The following PRMT3 variants were observed in gnomAD, a reference collection of about 807,000 sequenced individuals.
PRMT3 encodes the protein protein arginine N-methyltransferase 3.
Under a neutral mutation model 71.9 loss-of-function variants are expected in PRMT3, and 62 were observed. That is an observed-to-expected ratio of 0.86 (90% CI 0.70 to 1.07). The LOEUF (loss-of-function observed/expected upper bound fraction) is 1.07. PRMT3 is among the 50% of genes least tolerant of loss of function. The pLI is 0.00. For synonymous variants in PRMT3, 213 were observed against 220.4 expected (o/e 0.97, Z 0.30); for missense variants, 663 against 643.0 (o/e 1.03, Z -0.34).
intron 15 of PRMT3, among the ~76,000 whole-genome samples, chr11:20,504,736 GA>G (rs1851546224): frequency 6.6e-6 from 1 of 151,714 alleles, no homozygotes; most frequent in Non-Finnish European, 1.5e-5. Flanking sequence ...GAGAGAGAGA[GA>G]GAGAGAGAGC....
chr11:20,421,017 CAG>C (rs1456290906), intron 9 of PRMT3, among the ~76,000 whole-genome samples: 2 of 152,042 alleles, frequency 1.3e-5, no homozygotes, highest in Admixed American at 6.5e-5. Flanking sequence ...CGTAATTAAT[CAG>C]AGTTTATTAT....
intron 15 of PRMT3, among the ~76,000 whole-genome samples, chr11:20,496,097 C>T (rs1851325530): frequency 1.3e-5 from 2 of 152,186 alleles, no homozygotes; most frequent in Non-Finnish European, 2.9e-5. Flanking sequence ...TAAACAGTCT[C>T]TCCCACAACA....
At position 20,472,941 on chromosome 11, in the gene PRMT3, T is replaced by G. The variant is rs375692336; in HGVS notation, c.1347+8395T>G. The stretch of plus-strand genomic sequence containing the variant: ...ATTTCAGAGCTCATTATTGGTCTCA[T>G]CAGGGATTCAATTTCTTCCTGGCTC... On this transcript the variant is annotated intron_variant, in intron 13 of 15. Transcript: ENST00000331079. Among the ~76,000 whole-genome samples the G allele has an allele frequency of 9.2e-5, 14 of 152,282 alleles. No homozygotes were observed. In the East Asian group the frequency reaches 1.5e-3, roughly 17 times the overall value.
chr11:20,446,492 T>C (rs1270377553), intron 10 of PRMT3, among the ~76,000 whole-genome samples: 1 of 152,098 alleles, frequency 6.6e-6, no homozygotes, highest in Non-Finnish European at 1.5e-5. Flanking sequence ...GGTTTTAACA[T>C]AGTCAAATGT....
At chr11:20,500,215 C>T (rs1237093032) in intron 15 of PRMT3, among the ~76,000 whole-genome samples, 10 of 152,130 alleles carry the variant, frequency 6.6e-5, no homozygotes, top group African/African-American at 2.4e-4. Flanking sequence ...ATATGCAAAA[C>T]TTGTATATTT....
intron 7 of PRMT3, among the ~76,000 whole-genome samples, chr11:20,400,483 G>A (rs540663083): frequency 1.3e-5 from 2 of 152,192 alleles, no homozygotes; most frequent in East Asian, 1.9e-4. Context: ...CTATAAATCC[G>A]AAATGCATCG....
chr11:20,444,010 GTTATTACCATGA>G (rs1478471622), intron 10 of PRMT3, among the ~76,000 whole-genome samples: 1 of 152,052 alleles, frequency 6.6e-6, no homozygotes, highest in East Asian at 1.9e-4. Context: ...ATAAGTAGCC[GTTATTACCATGA>G]TTCTTCTTCT....
intron 13 of PRMT3, among the ~76,000 whole-genome samples, chr11:20,488,943 A>T (rs1405190910): frequency 1.3e-5 from 2 of 152,134 alleles, no homozygotes; most frequent in East Asian, 3.9e-4. Context: ...TGTGAAATCC[A>T]CAAAAAGATG....
At chr11:20,487,584 C>T (rs1241713942) in intron 13 of PRMT3, among the ~76,000 whole-genome samples, 2 of 152,176 alleles carry the variant, frequency 1.3e-5, no homozygotes, top group East Asian at 3.8e-4. Flanking sequence ...TCTGTTTCTT[C>T]ATCTGGGTGT....
At chr11:20,389,263 G>T (rs1397088621) in intron 2 of PRMT3, among the ~76,000 whole-genome samples, 1 of 152,188 alleles carries the variant, frequency 6.6e-6, no homozygotes, top group African/African-American at 2.4e-5. Context: ...AATACTACAA[G>T]ATCACTTTTG....
At chr11:20,449,250 T>G (rs1850096892) in intron 10 of PRMT3, among the ~76,000 whole-genome samples, 1 of 152,198 alleles carries the variant, frequency 6.6e-6, no homozygotes, top group Non-Finnish European at 1.5e-5. Flanking sequence ...TTTTCCAAAC[T>G]AATATTTTCA....
intron 9 of PRMT3, among the ~76,000 whole-genome samples, chr11:20,414,496 G>A (rs1313661546): frequency 6.6e-6 from 1 of 151,950 alleles, no homozygotes; most frequent in Non-Finnish European, 1.5e-5. Context: ...AGATCATTTC[G>A]GCAACATAAA....
At chr11:20,480,783 G>A (rs1410253502) in intron 13 of PRMT3, among the ~76,000 whole-genome samples, 1 of 152,096 alleles carries the variant, frequency 6.6e-6, no homozygotes, top group Non-Finnish European at 1.5e-5. Context: ...AACTCCCATT[G>A]CTCTCAGTAT....
chr11:20,412,828 G>C (rs1849224277), intron 9 of PRMT3, among the ~76,000 whole-genome samples: 1 of 152,136 alleles, frequency 6.6e-6, no homozygotes, highest in Non-Finnish European at 1.5e-5. Context: ...GAGATTAAGA[G>C]GCTGGGCATG....
chr11:20,426,880 A>G lies in PRMT3; in HGVS notation c.993+15A>G. On this transcript the variant is annotated intron_variant, in intron 10 of 15. Coordinates refer to ENST00000331079, the MANE Select transcript of PRMT3 (RefSeq NM_005788.4). ...CTGAGTGGATGGTGAGTGTTTATAG[A>G]AAAAACTACTTTCACTGGTAAAATG... 1 of 1,516,190 alleles carries G rather than the reference A, an allele frequency of 6.6e-7. No homozygotes were observed. The highest frequency in any genetic ancestry group is 2.6e-5 in the East Asian group (1 of 38,954). 93.9% of individuals were successfully genotyped at this position (1,516,190 alleles called of 1,614,324 possible). A position where few individuals can be genotyped will look rare whatever the true frequency, so the allele number is the denominator to read the frequency against.
At chr11:20,444,208 C>A (rs934249592) in intron 10 of PRMT3, among the ~76,000 whole-genome samples, 1 of 151,876 alleles carries the variant, frequency 6.6e-6, no homozygotes, top group African/African-American at 2.4e-5. Context: ...CACCCCTGGT[C>A]CCCAAAAAAA....
intron 9 of PRMT3, among the ~76,000 whole-genome samples, chr11:20,421,538 T>C (rs915846419): frequency 1.3e-5 from 2 of 152,216 alleles, no homozygotes; most frequent in Non-Finnish European, 2.9e-5. Flanking sequence ...TATCTTTTGT[T>C]TTATTGTTTT....
chr11:20,488,084 TC>T (rs1328118305), intron 13 of PRMT3, among the ~76,000 whole-genome samples: 1 of 152,188 alleles, frequency 6.6e-6, no homozygotes, highest in Non-Finnish European at 1.5e-5. Context: ...TGTGTATTGT[TC>T]CCTAGAGGAG....
intron 9 of PRMT3, among the ~76,000 whole-genome samples, chr11:20,425,736 T>C (rs2133350941): frequency 6.6e-6 from 1 of 152,284 alleles, no homozygotes; most frequent in Non-Finnish European, 1.5e-5. Context: ...AAATCAGTGG[T>C]TGCTTGTGGA....
Sources: gnomAD v4.1 joint callset for allele counts (sites outside exome capture counted in the v4.1 genomes callset) on GRCh38, gnomAD v4.1.1 for gene constraint, MANE v1.5 for transcripts, NCBI Gene and HGNC (gene_info 2026-07-23, HGNC 2026-07-21) for gene names.